The following UAP1 variants were observed in gnomAD, a reference collection of about 807,000 sequenced individuals.
The protein encoded by UAP1 is UDP-N-acetylhexosamine pyrophosphorylase.
UAP1 carries 25 observed loss-of-function variants against 58.5 expected under a neutral mutation model. The observed-to-expected ratio is 0.43, with a 90% CI of 0.31 to 0.60. UAP1 has a LOEUF of 0.60. UAP1 is among the 20% of genes least tolerant of loss of function. The pLI, the probability that UAP1 is intolerant of heterozygous loss-of-function variation, is 0.11. For missense variants in UAP1, 575 were observed against 630.0 expected (o/e 0.91, Z 0.93); for synonymous variants, 208 against 213.0 (o/e 0.98, Z 0.21).
intron 6 of UAP1, 60 bp downstream of exon 6, chr1:162,587,728 C>G: frequency 6.5e-7 from 1 of 1,527,794 alleles, no homozygotes; most frequent in Non-Finnish European, 8.9e-7. Context: ...AACTAAGACA[C>G]TTGAGAGGGA....
chr1:162,580,794 A>G (rs960977709), intron 4 of UAP1, among the ~76,000 whole-genome samples: 2 of 152,202 alleles, frequency 1.3e-5, no homozygotes, highest in East Asian at 1.9e-4. Context: ...GGCTTTATTT[A>G]TATCTCGTTT....
chr1:162,566,205 ACTT>A lies in UAP1; in HGVS notation c.141_143del (p.Phe49del). On this transcript the variant is annotated inframe_deletion, in exon 2 of 11. Transcript: ENST00000271469. ...CAGGCCATGAACTTTGAGGAGCTGA[ACTT>A]CTTTTTCCAAAAGGCCATTGAAGGT... The A allele has an allele frequency of 3.7e-6, 6 of 1,614,146 alleles. No homozygotes were observed. The South Asian group carries it at 6.6e-5, about 18-fold the overall frequency.
chr1:162,591,731 C>T (rs1159906339), intron 8 of UAP1, among the ~76,000 whole-genome samples: 1 of 151,884 alleles, frequency 6.6e-6, no homozygotes, highest in African/African-American at 2.4e-5. Flanking sequence ...GGTGATCCGC[C>T]CGCTTTGGCC....
At chr1:162,577,011 C>G in intron 3 of UAP1, 30 bp downstream of exon 3, 1 of 1,594,412 alleles carries the variant, frequency 6.3e-7, no homozygotes, top group South Asian at 1.1e-5. Flanking sequence ...TGGAGTGTGT[C>G]TGAACATATA....
intron 3 of UAP1, 23 bp downstream of exon 3, chr1:162,577,004 AGT>A: frequency 6.2e-7 from 1 of 1,603,358 alleles, no homozygotes; most frequent in Non-Finnish European, 8.5e-7. Context: ...TCATTATTGG[AGT>A]GTGTCTGAAC....
intron 8 of UAP1, among the ~76,000 whole-genome samples, chr1:162,591,508 A>G (rs1317191175): frequency 6.6e-6 from 1 of 152,088 alleles, no homozygotes; most frequent in Non-Finnish European, 1.5e-5. Flanking sequence ...TTTTTTGGAG[A>G]CAGTTTCACT....
chr1:162,572,878 T>C (rs1261315934), intron 2 of UAP1, among the ~76,000 whole-genome samples: 1 of 152,220 alleles, frequency 6.6e-6, no homozygotes, highest in Non-Finnish European at 1.5e-5. Context: ...ATTTTATATA[T>C]GTACTATAGT....
At chr1:162,568,174 G>A (rs1183305941) in intron 2 of UAP1, among the ~76,000 whole-genome samples, 1 of 152,104 alleles carries the variant, frequency 6.6e-6, no homozygotes, top group African/African-American at 2.4e-5. Context: ...TTTACAACAT[G>A]GCTATTTTTA....
exon 5 of UAP1, chr1:162,581,354 C>T: frequency 6.2e-7 from 1 of 1,614,046 alleles, no homozygotes; most frequent in Non-Finnish European, 8.5e-7. Context: ...AGCAAAGAGG[C>T]ATTTGGAGCA....
chr1:162,590,408 A>G (rs746482353), exon 8 of UAP1: 8 of 1,613,804 alleles, frequency 5.0e-6, no homozygotes, highest in South Asian at 1.1e-5. Context: ...AGACAACCCT[A>G]CTACTGCAAG....
chr1:162,586,010 T>G (rs1412661123), intron 5 of UAP1, among the ~76,000 whole-genome samples: 1 of 152,192 alleles, frequency 6.6e-6, no homozygotes, highest in Non-Finnish European at 1.5e-5. Context: ...TGTGTTCCTT[T>G]CAGGGTGGCA....
At chr1:162,596,979 T>C (rs1246126075) in intron 9 of UAP1, among the ~76,000 whole-genome samples, 1 of 152,196 alleles carries the variant, frequency 6.6e-6, no homozygotes, top group Non-Finnish European at 1.5e-5. Context: ...ATGAAACAAA[T>C]AGGGACTTTG....
chr1:162,592,780 C>G (rs964034219), exon 9 of UAP1: 2 of 1,549,888 alleles, frequency 1.3e-6, no homozygotes, highest in African/African-American at 2.7e-5. Flanking sequence ...ATGTCAATCA[C>G]AAGTAAATAT....
chr1:162,594,646 G>C (rs562518203), intron 9 of UAP1, among the ~76,000 whole-genome samples: 1 of 152,228 alleles, frequency 6.6e-6, no homozygotes, highest in South Asian at 2.1e-4. Flanking sequence ...ATAAAACTTT[G>C]ATTAAATTTC....
intron 2 of UAP1, among the ~76,000 whole-genome samples, chr1:162,570,611 C>G (rs188377128): frequency 5.3e-5 from 8 of 152,264 alleles, no homozygotes; most frequent in African/African-American, 1.9e-4. Context: ...TGAAATTCAT[C>G]TAATGTAATC....
At chr1:162,564,211 C>A (rs2101722067) in intron 1 of UAP1, among the ~76,000 whole-genome samples, 1 of 152,262 alleles carries the variant, frequency 6.6e-6, no homozygotes, top group South Asian at 2.1e-4. Context: ...GTTGTTATTA[C>A]CACCTCAGGG....
chr1:162,568,497 C>A (rs1210636714), intron 2 of UAP1, among the ~76,000 whole-genome samples: 1 of 152,192 alleles, frequency 6.6e-6, no homozygotes, highest in East Asian at 1.9e-4. Flanking sequence ...AGTTTAAAAA[C>A]AGTTTGAAAA....
intron 7 of UAP1, among the ~76,000 whole-genome samples, chr1:162,589,427 A>T (rs1414822036): frequency 6.7e-6 from 1 of 149,692 alleles, no homozygotes; most frequent in Non-Finnish European, 1.5e-5. Flanking sequence ...TGCTGGGATT[A>T]TAGGCTTGAG....
At chr1:162,598,421 G>C (rs566281718) in intron 10 of UAP1, among the ~76,000 whole-genome samples, 9 of 152,324 alleles carry the variant, frequency 5.9e-5, no homozygotes, top group African/African-American at 1.9e-4. Flanking sequence ...TATCCCATAA[G>C]TGGGTTAGTT....
Sources: gnomAD v4.1 joint callset for allele counts (sites outside exome capture counted in the v4.1 genomes callset) on GRCh38, gnomAD v4.1.1 for gene constraint, MANE v1.5 for transcripts, NCBI Gene and HGNC (gene_info 2026-07-23, HGNC 2026-07-21) for gene names.